Variants in CFAP46 observed in about 807,000 individuals in gnomAD.
CFAP46 encodes cilia and flagella associated protein 46, also known as cilia- and flagella-associated protein 46.
CFAP46 carries 245 observed loss-of-function variants against 325.7 expected under a neutral mutation model. The observed-to-expected ratio is 0.75, with a 90% CI of 0.68 to 0.84. The LOEUF is 0.84. Among genes scored for constraint, CFAP46 ranks in the 40% least tolerant of loss-of-function variants. The pLI is 0.00. For missense variants in CFAP46, 3,346 were observed against 3,543.0 expected (o/e 0.94, Z 1.41); for synonymous variants, 1,523 against 1,495.9 (o/e 1.02, Z -0.42).
intron 8 of CFAP46, among the ~76,000 whole-genome samples, chr10:132,934,517 C>T (rs1308678059): frequency 2.0e-5 from 3 of 152,244 alleles, no homozygotes; most frequent in African/African-American, 7.2e-5. Flanking sequence ...CCTAACCATC[C>T]ATATGCCTAC....
chr10:132,940,994 A>T lies in CFAP46; in HGVS notation c.371+2T>A, dbSNP rs866059111. ...AGAAACGGCCACTTCAATTTTGCCT[A>T]CCTCGGTTCTCCTTTGGCAAAGTTT... On this transcript the variant is annotated splice_donor_variant, in intron 4 of 57. Transcript: ENST00000368586. LOFTEE classifies it high-confidence loss of function. 2 of 1,614,132 alleles carry T rather than the reference A, an allele frequency of 1.2e-6. No homozygotes were observed. The highest frequency in any genetic ancestry group is 1.7e-5 in the Admixed American group (1 of 60,024).
intron 31 of CFAP46, among the ~76,000 whole-genome samples, chr10:132,873,589 C>A (rs912083131): frequency 9.9e-5 from 15 of 151,770 alleles, no homozygotes; most frequent in Non-Finnish European, 1.9e-4. Flanking sequence ...GGGTTCAGGG[C>A]CCACCAAGAG....
chr10:132,822,028 AGTGCTGATGTGTGCTGATGTGTGCTGTGT>A (rs1565035848), intron 50 of CFAP46, among the ~76,000 whole-genome samples: 62 of 61,102 alleles, frequency 1.0e-3, no homozygotes, highest in African/African-American at 4.4e-3. Context: ...GTGCTGTGTG[AGTGCTGATGTGTGCTGATGTGTGCTGTGT>A]GTGCTGATGT....
Position 132,877,778 on chromosome 10 carries a change from A to C in CFAP46, c.4212+103T>G. 1 of 1,299,240 alleles carries C rather than the reference A, an allele frequency of 7.7e-7. No homozygotes were observed. Among genetic ancestry groups the C allele is most frequent in the Non-Finnish European group, 1.1e-6 (1 of 936,020 alleles). 80.5% of individuals were successfully genotyped at this position (1,299,240 alleles called of 1,614,324 possible). The stretch of plus-strand genomic sequence containing the variant: ...AGGCCATCCCGGGCCCGGCCTCTGC[A>C]CTGAGGCCGCCTGGGGCTCCTCCGA... On this transcript the variant is annotated intron_variant, in intron 30 of 57. Coordinates refer to ENST00000368586, the MANE Select transcript of CFAP46 (RefSeq NM_001200049.3). The surrounding 1 kb of genome is among the most constrained non-coding windows in gnomAD (Gnocchi z 5.7).
chr10:132,864,462 CCCTG>C (rs1470431547), intron 35 of CFAP46, among the ~76,000 whole-genome samples: 1 of 126,540 alleles, frequency 7.9e-6, no homozygotes, highest in African/African-American at 2.8e-5. Context: ...ACACCTGTCC[CCCTG>C]CCTGAGACCT....
intron 46 of CFAP46, 82 bp from the exon 47 acceptor site, chr10:132,835,516 AG>A: frequency 6.5e-7 from 1 of 1,534,714 alleles, no homozygotes; most frequent in East Asian, 2.3e-5. Flanking sequence ...CACTGGGAAA[AG>A]GGCTGCTGTC....
intron 51 of CFAP46, 34 bp downstream of exon 51, chr10:132,814,810 C>G (rs780616941): frequency 1.9e-6 from 3 of 1,613,954 alleles, no homozygotes; most frequent in South Asian, 2.2e-5. Context: ...GCTGTGCCCA[C>G]CAGCCCGATC....
At position 132,834,634 on chromosome 10, in the gene CFAP46, C is replaced by T. The variant is rs753140506; in HGVS notation, c.6866+20G>A. On this transcript the variant is annotated intron_variant, in intron 48 of 57. Coordinates refer to ENST00000368586, the MANE Select transcript of CFAP46 (RefSeq NM_001200049.3). ...TGCGTGAGCGTGGTGGGGTGCCAGC[C>T]TCAACGTCATCCCCAGTACCTGGCC... 6.2e-6 allele frequency: 10 copies of T among 1,611,918 alleles called. No homozygotes were observed. The South Asian group carries it at 1.1e-4, about 18-fold the overall frequency.
At position 132,850,288 on chromosome 10, in the gene CFAP46, C is replaced by T. The variant is rs1848514620; in HGVS notation, c.5908G>A (p.Ala1970Thr). Residue 1970 changes from alanine (A) to threonine (T), a missense_variant, in exon 41 of 58, where the codon GCT becomes ACT. Physicochemically the swap from Ala to Thr is moderately conservative, Grantham distance 58. Coordinates refer to ENST00000368586, the MANE Select transcript of CFAP46 (RefSeq NM_001200049.3). ...GRALHLLAMQADPVHPTCYWE... is the reference protein window; with the variant it reads ...GRALHLLAMQTDPVHPTCYWE... ...TAGCAGGTAGGGTGCACAGGGTCAG[C>T]TTGCATGGCCAGCAGGTGCAGGGCC... The T allele has an allele frequency of 6.4e-7, 1 of 1,550,884 alleles. No individual in the cohort carries two copies. Among genetic ancestry groups the T allele is most frequent in the South Asian group, 1.2e-5 (1 of 84,066 alleles).
intron 50 of CFAP46, among the ~76,000 whole-genome samples, chr10:132,825,229 C>T (rs898802890): frequency 7.8e-6 from 1 of 127,674 alleles, no homozygotes; most frequent in African/African-American, 3.1e-5. Flanking sequence ...CTGATGTGTG[C>T]TGTGTGTGTG....
chr10:132,840,563 G>A lies in CFAP46; in HGVS notation c.6439-3649C>T, dbSNP rs184597770. ...TGGCTTTCTTCTTGTATGCAAGGCT[G>A]TTATTTTTCCTGTAACCCGTTTGAG... On this transcript the variant is annotated intron_variant, in intron 44 of 57. Coordinates refer to ENST00000368586, the MANE Select transcript of CFAP46 (RefSeq NM_001200049.3). 1.5e-3 allele frequency among the ~76,000 whole-genome samples: 227 copies of A among 152,284 alleles called. 1 individual carries two copies. The highest frequency in any genetic ancestry group is 0.011 in the South Asian group (51 of 4,824).
At position 132,941,609 on chromosome 10, in the gene CFAP46, C is replaced by G; in HGVS notation, c.288G>C (p.Pro96=). The part of the protein sequence containing the change: ...AHLCRAQMCA[P]KSAENLEEFE... ...CTCTCACCAGGTTTTCTGCCGACTT[C>G]GGGGCACACATCTGGGCCCTGCACA... The change falls in exon 3 of 58, where the codon CCG becomes CCC. Residue 96 remains proline, a synonymous_variant. Coordinates refer to ENST00000368586, the MANE Select transcript of CFAP46 (RefSeq NM_001200049.3). 6.2e-7 allele frequency: 1 copy of G among 1,613,368 alleles called. No homozygotes were observed. The highest frequency in any genetic ancestry group is 8.5e-7 in the Non-Finnish European group (1 of 1,179,704).
intron 34 of CFAP46, among the ~76,000 whole-genome samples, chr10:132,866,405 C>T (rs1369837572): frequency 6.6e-6 from 1 of 152,218 alleles, no homozygotes; most frequent in East Asian, 1.9e-4. Context: ...GGGCACCTCT[C>T]TTTTCTCACG....
At chr10:132,820,433 A>G (rs1847771040) in intron 50 of CFAP46, among the ~76,000 whole-genome samples, 1 of 152,204 alleles carries the variant, frequency 6.6e-6, no homozygotes, top group Non-Finnish European at 1.5e-5. Flanking sequence ...GGCAAAGGGT[A>G]CACAGCGCTG....
intron 8 of CFAP46, among the ~76,000 whole-genome samples, chr10:132,931,406 A>G (rs1262652111): frequency 8.3e-6 from 1 of 120,238 alleles, no homozygotes; most frequent in Non-Finnish European, 1.7e-5. Context: ...TCCTCCCCAA[A>G]AAGAGCCTGG....
chr10:132,928,384 G>A (rs1029940026), intron 9 of CFAP46, among the ~76,000 whole-genome samples: 2 of 152,178 alleles, frequency 1.3e-5, no homozygotes, highest in Non-Finnish European at 2.9e-5. Context: ...AGCCTCCCAC[G>A]CTGCTCCCAT....
At chr10:132,873,600 C>T (rs549932664) in intron 31 of CFAP46, among the ~76,000 whole-genome samples, 68 of 152,308 alleles carry the variant, frequency 4.5e-4, no homozygotes, top group African/African-American at 1.4e-3. Flanking sequence ...CCACCAAGAG[C>T]TCCACTCTCT....
At chr10:132,929,873 T>G (rs1849866661) in intron 8 of CFAP46, 69 bp from the exon 9 acceptor site, 1 of 1,086,444 alleles carries the variant, frequency 9.2e-7, no homozygotes, top group Non-Finnish European at 1.4e-6. Context: ...CAGGCGAGAA[T>G]CCATGTCCCC....
chr10:132,849,875 T>C (rs929288367), intron 41 of CFAP46, among the ~76,000 whole-genome samples: 3 of 152,176 alleles, frequency 2.0e-5, no homozygotes, highest in Non-Finnish European at 1.5e-5. Flanking sequence ...CCCAGGTCCC[T>C]GTGCGGGGCC....
Sources: allele counts gnomAD v4.1 joint callset (sites outside exome capture counted in the v4.1 genomes callset), GRCh38; gene constraint gnomAD v4.1.1; non-coding constraint Gnocchi (gnomAD v3.1); transcripts MANE v1.5; gene names NCBI Gene and HGNC (gene_info 2026-07-23, HGNC 2026-07-21).